The following DSCAM variants were observed in gnomAD, a reference collection of about 807,000 sequenced individuals.
DSCAM encodes the protein cell adhesion molecule DSCAM.
A neutral mutation model predicts 217.7 loss-of-function variants in DSCAM; 47 were observed. The observed-to-expected ratio is 0.22, with a 90% CI of 0.17 to 0.28. The LOEUF is 0.28. Among genes scored for constraint, DSCAM ranks in the 10% least tolerant of loss-of-function variants. The pLI is 1.00. For synonymous variants in DSCAM, 1,056 were observed against 1,015.3 expected, an observed-to-expected ratio of 1.04 and a Z score of -0.76; for missense variants, 2,080 against 2,618.3, an observed-to-expected ratio of 0.79 and a Z score of 4.49.
At chr21:40,068,527 T>C (rs1195930715) in intron 27 of DSCAM, among the ~76,000 whole-genome samples, 1 of 152,226 alleles carries the variant, frequency 6.6e-6, no homozygotes, top group East Asian at 1.9e-4. Context: ...CAAGTATTTT[T>C]GATGGGCAAA....
chr21:40,231,101 T>C (rs1488683549), intron 11 of DSCAM, among the ~76,000 whole-genome samples: 1 of 151,266 alleles, frequency 6.6e-6, no homozygotes, highest in Non-Finnish European at 1.5e-5. Context: ...GAGACAAAAT[T>C]TCAGAATGTG....
chr21:40,533,479 GTCCATCCA>G (rs199810460), intron 3 of DSCAM, among the ~76,000 whole-genome samples: 3 of 147,308 alleles, frequency 2.0e-5, no homozygotes, highest in Non-Finnish European at 4.5e-5. Context: ...CCATCCGTCC[GTCCATCCA>G]TCCATCCATC....
intron 20 of DSCAM, among the ~76,000 whole-genome samples, chr21:40,105,554 G>T (rs1225800773): frequency 1.3e-5 from 2 of 152,162 alleles, no homozygotes; most frequent in Non-Finnish European, 2.9e-5. Flanking sequence ...AGAAGGACAT[G>T]TTTGTGTCCC....
At chr21:40,143,756 A>C (rs1179126958) in intron 17 of DSCAM, among the ~76,000 whole-genome samples, 1 of 152,130 alleles carries the variant, frequency 6.6e-6, no homozygotes, top group Non-Finnish European at 1.5e-5. Context: ...GCGCCACTGC[A>C]CTCCAGCCTG....
At chr21:40,149,021 C>G (rs2090390234) in intron 16 of DSCAM, among the ~76,000 whole-genome samples, 1 of 152,076 alleles carries the variant, frequency 6.6e-6, no homozygotes, top group Non-Finnish European at 1.5e-5. Flanking sequence ...TTCACTTTAT[C>G]ACTATCCCAA....
rs1013768390 is a variant in DSCAM, at chr21:40,587,470, G to A, written c.508+105340C>T. Among the ~76,000 whole-genome samples, 43 of 152,110 alleles carry A rather than the reference G, an allele frequency of 2.8e-4. 1 individual carries two copies. Among genetic ancestry groups the A allele is most frequent in the South Asian group, 6.2e-4 (3 of 4,822 alleles). ...TAAAGAAAAAAATGGTGTGTACCCCGTAACTGGCTGCATTACCAAATAAGT... is the reference window on the plus strand; with the variant it reads ...TAAAGAAAAAAATGGTGTGTACCCCATAACTGGCTGCATTACCAAATAAGT... On this transcript the variant is annotated intron_variant, in intron 3 of 32. Coordinates refer to ENST00000400454, the MANE Select transcript of DSCAM (RefSeq NM_001389.5).
At chr21:40,576,744 T>C (rs1392114242) in intron 3 of DSCAM, among the ~76,000 whole-genome samples, 2 of 151,952 alleles carry the variant, frequency 1.3e-5, no homozygotes, top group South Asian at 2.1e-4. Flanking sequence ...GGAAGCCCCA[T>C]AGGAGCACAA....
intron 11 of DSCAM, among the ~76,000 whole-genome samples, chr21:40,272,351 A>G (rs2073629900): frequency 6.6e-6 from 1 of 152,158 alleles, no homozygotes; most frequent in South Asian, 2.1e-4. Context: ...AGGAACCCCA[A>G]CAGAGCTGGA....
chr21:40,558,822 T>C (rs952883278), intron 3 of DSCAM, among the ~76,000 whole-genome samples: 1 of 152,232 alleles, frequency 6.6e-6, no homozygotes, highest in Non-Finnish European at 1.5e-5. Context: ...GAATTGATTT[T>C]AAAAGCTTGA....
At chr21:40,057,050 C>T (rs115159631) in intron 28 of DSCAM, among the ~76,000 whole-genome samples, 5,447 of 152,210 alleles carry the variant, frequency 0.036, 164 homozygotes, top group African/African-American at 0.078. Flanking sequence ...TGATGAGATC[C>T]ATGTATACTC....
At chr21:40,783,579 G>C (rs1456054086) in intron 1 of DSCAM, among the ~76,000 whole-genome samples, 1 of 152,118 alleles carries the variant, frequency 6.6e-6, no homozygotes, top group Non-Finnish European at 1.5e-5. Flanking sequence ...TATCTGCTGC[G>C]GGTGACACAG....
chr21:40,730,206 T>C (rs754027460), intron 1 of DSCAM, among the ~76,000 whole-genome samples: 35 of 152,192 alleles, frequency 2.3e-4, no homozygotes, highest in African/African-American at 8.0e-4. Flanking sequence ...TTATTCCACA[T>C]TGGAAATTTG....
chr21:40,013,187 C>T lies in DSCAM; in HGVS notation c.5886G>A (p.Ser1962=), dbSNP rs766940027. 6.8e-6 allele frequency: 11 copies of T among 1,613,582 alleles called. No homozygotes were observed. Among genetic ancestry groups the T allele is most frequent in the African/African-American group, 2.7e-5 (2 of 74,896 alleles). ...SSASSTREGQ[S]WQPGAVATLP... is the part of the protein sequence containing the mutation. ...ATGTGGCCACGGCCCCCGGCTGCCA[C>T]GACTGTCCTTCTCTCGTGGAGGAGG... Residue 1962 remains serine, a synonymous_variant, in exon 33 of 33, where the codon TCG becomes TCA. Coordinates refer to ENST00000400454, the MANE Select transcript of DSCAM (RefSeq NM_001389.5).
At chr21:40,611,836 G>A (rs551379586) in intron 3 of DSCAM, among the ~76,000 whole-genome samples, 29 of 139,316 alleles carry the variant, frequency 2.1e-4, no homozygotes, top group African/African-American at 7.7e-4. Context: ...AATTCTGGAT[G>A]CTAAGACAGG....
At chr21:40,414,239 G>A (rs1335059035) in intron 3 of DSCAM, among the ~76,000 whole-genome samples, 1 of 152,032 alleles carries the variant, frequency 6.6e-6, no homozygotes, top group African/African-American at 2.4e-5. Flanking sequence ...ATATGATAAG[G>A]GACCGGTATC....
At chr21:40,556,624 T>C (rs1397024663) in intron 3 of DSCAM, among the ~76,000 whole-genome samples, 1 of 151,884 alleles carries the variant, frequency 6.6e-6, no homozygotes, top group Non-Finnish European at 1.5e-5. Context: ...GAACCAACTG[T>C]GTGAAGATCA....
chr21:40,200,710 T>C (rs904989158), intron 11 of DSCAM, among the ~76,000 whole-genome samples: 37 of 152,218 alleles, frequency 2.4e-4, no homozygotes, highest in Non-Finnish European at 4.3e-4. Context: ...GTATTTTCCC[T>C]GTTTGTGGTC....
chr21:40,417,425 T>C lies in DSCAM; in HGVS notation c.509-48180A>G, dbSNP rs556562093. 7.2e-5 allele frequency among the ~76,000 whole-genome samples: 11 copies of C among 152,282 alleles called. No homozygotes were observed. The East Asian group carries it at 1.9e-3, about 27-fold the overall frequency. On this transcript the variant is annotated intron_variant, in intron 3 of 32. Coordinates refer to ENST00000400454, the MANE Select transcript of DSCAM (RefSeq NM_001389.5). ...AATAAGGTAATCTTTAAATAATCAT[T>C]ATAAAGATCTTGCAAATTGATGGTA...
At chr21:40,692,126 C>T (rs576992790) in intron 3 of DSCAM, among the ~76,000 whole-genome samples, 2 of 152,344 alleles carry the variant, frequency 1.3e-5, no homozygotes, top group African/African-American at 4.8e-5. Flanking sequence ...GATATGCCAA[C>T]AGTCATTATC....
Sources: gnomAD v4.1 joint callset for allele counts (sites outside exome capture counted in the v4.1 genomes callset) on GRCh38, gnomAD v4.1.1 for gene constraint, MANE v1.5 for transcripts, NCBI Gene and HGNC (gene_info 2026-07-23, HGNC 2026-07-21) for gene names.